BSDC1: variants seen among roughly 807,000 people sequenced by gnomAD.
The protein encoded by BSDC1 is BSD domain containing 1.
In BSDC1, 29 loss-of-function variants were observed where a neutral mutation model predicts 56.0. The ratio of observed to expected loss-of-function variants is 0.52; its 90% confidence interval spans 0.39 to 0.71. The LOEUF (loss-of-function observed/expected upper bound fraction) is 0.71. BSDC1 is among the 30% of genes least tolerant of loss of function. The pLI is 0.00. For synonymous variants in BSDC1, 210 were observed against 215.3 expected, an observed-to-expected ratio of 0.98 and a Z score of 0.21; for missense variants, 477 against 548.5, an observed-to-expected ratio of 0.87 and a Z score of 1.30.
intron 8 of BSDC1, 57 bp from the exon 9 acceptor site, chr1:32,376,798 C>T (rs1642306013): frequency 4.5e-6 from 6 of 1,327,996 alleles, no homozygotes; most frequent in Non-Finnish European, 5.8e-6. Flanking sequence ...AGCCATAAGA[C>T]AACCTTGGAG....
chr1:32,378,817 G>A lies in BSDC1; in HGVS notation c.435C>T (p.Ala145=), dbSNP rs1336269625. ...EPDGPPELFD[A]WLSQFCLEEK... is the part of the protein sequence containing the mutation. ...CCTCCAAGCAGAACTGGGAAAGCCAGGCGTCAAACAATTCCGGGGGCCCTG... is the reference window on the plus strand; with the variant it reads ...CCTCCAAGCAGAACTGGGAAAGCCAAGCGTCAAACAATTCCGGGGGCCCTG... The change falls in exon 6 of 11, where the codon GCC becomes GCT. Residue 145 remains alanine (A), a synonymous_variant. Coordinates refer to ENST00000455895, the MANE Select transcript of BSDC1 (RefSeq NM_018045.8). The surrounding 1 kb of genome is among the most constrained non-coding windows in gnomAD (Gnocchi z 5.2). 7.2e-6 allele frequency: 11 copies of A among 1,533,768 alleles called. No homozygotes were observed. Among genetic ancestry groups the A allele is most frequent in the Non-Finnish European group, 9.7e-6 (11 of 1,139,080 alleles).
In BSDC1 at chr1:32,367,850, A is replaced by G. The variant is rs897646779; in HGVS notation, c.1260+597T>C. 6 of 981,600 alleles carry G rather than the reference A, an allele frequency of 6.1e-6. No homozygotes were observed. In the Admixed American group the frequency reaches 2.6e-4, roughly 42 times the overall value. 60.8% of individuals were successfully genotyped at this position (981,600 alleles called of 1,614,324 possible). The stretch of plus-strand genomic sequence containing the variant: ...GATCACCTCATTACAGCTTATAGCC[A>G]GGTCTTATAATGATCAATTCCATGT... On this transcript the variant is annotated intron_variant, in intron 10 of 10. Coordinates refer to ENST00000455895, the MANE Select transcript of BSDC1 (RefSeq NM_018045.8).
At chr1:32,392,245 T>A (rs1642891827) in intron 2 of BSDC1, among the ~76,000 whole-genome samples, 1 of 152,034 alleles carries the variant, frequency 6.6e-6, no homozygotes, top group Non-Finnish European at 1.5e-5. Flanking sequence ...GGCAGGAGAA[T>A]CACTTGAACT....
chr1:32,377,097 C>T (rs979427334), intron 8 of BSDC1, among the ~76,000 whole-genome samples: 1 of 152,062 alleles, frequency 6.6e-6, no homozygotes, highest in African/African-American at 2.4e-5. Flanking sequence ...GATTGCGCCA[C>T]TGCACTCCAG....
In BSDC1 at chr1:32,378,287, G is replaced by A. The variant is rs760803134; in HGVS notation, c.529-4C>T. 8 of 1,614,182 alleles carry A rather than the reference G, an allele frequency of 5.0e-6. No individual in the cohort carries two copies. The highest frequency in any genetic ancestry group is 6.8e-6 in the Non-Finnish European group (8 of 1,179,994). Reference sequence around the variant, plus strand: ...AATGGGAAACAGCTGCTGGAACCTGGAGGGAGGGGAAAATGGAGGTGAGAC... The same window carrying A: ...AATGGGAAACAGCTGCTGGAACCTGAAGGGAGGGGAAAATGGAGGTGAGAC... On this transcript the variant is annotated splice_region_variant and splice_polypyrimidine_tract_variant and intron_variant, in intron 6 of 10. Transcript: ENST00000455895. This position sits in a 1 kb window ranked among gnomAD's most constrained non-coding sequence, Gnocchi z 5.2.
At chr1:32,368,027 T>C in intron 10 of BSDC1, 1 of 1,196,282 alleles carries the variant, frequency 8.4e-7, no homozygotes, top group South Asian at 2.3e-5. Context: ...CTGTTTTCTT[T>C]TTTCCTTTTT....
intron 2 of BSDC1, 111 bp downstream of exon 2, chr1:32,393,969 C>T: frequency 2.8e-6 from 3 of 1,081,516 alleles, no homozygotes; most frequent in East Asian, 2.6e-5. Context: ...CCAGGTCAGC[C>T]TCATCCTTGA....
At chr1:32,386,986 A>G (rs1642695071) in intron 2 of BSDC1, 91 bp from the exon 3 acceptor site, 3 of 977,350 alleles carry the variant, frequency 3.1e-6, no homozygotes, top group Non-Finnish European at 4.8e-6. Context: ...AGACAGACAA[A>G]TGGAAATCTC....
intron 10 of BSDC1, 197 bp downstream of exon 10, chr1:32,368,250 C>G: frequency 6.6e-7 from 1 of 1,508,958 alleles, no homozygotes; most frequent in East Asian, 2.4e-5. Flanking sequence ...TCTATCCACC[C>G]TGGAACTGAG....
chr1:32,380,475 G>A (rs971943917), intron 5 of BSDC1, among the ~76,000 whole-genome samples: 4 of 152,082 alleles, frequency 2.6e-5, no homozygotes, highest in Non-Finnish European at 4.4e-5. Context: ...GTGAAACCCT[G>A]TCTCTACTAA....
At chr1:32,386,654 G>A (rs865892038) in intron 3 of BSDC1, 125 bp downstream of exon 3, 3 of 574,838 alleles carry the variant, frequency 5.2e-6, no homozygotes, top group Non-Finnish European at 8.7e-6. Flanking sequence ...CAAAATGGGA[G>A]GAAAAGTAAT....
chr1:32,392,314 G>A (rs1403854681), intron 2 of BSDC1, among the ~76,000 whole-genome samples: 1 of 152,130 alleles, frequency 6.6e-6, no homozygotes, highest in African/African-American at 2.4e-5. Flanking sequence ...TGGTAACAGA[G>A]CCAGACTTGG....
intron 9 of BSDC1, chr1:32,369,162 C>G: frequency 1.3e-6 from 1 of 784,596 alleles, no homozygotes; most frequent in Non-Finnish European, 1.8e-6. Context: ...TGGTGGAACA[C>G]TGTAGGCTGT....
At position 32,378,862 on chromosome 1, in the gene BSDC1, G is replaced by C. The variant is rs752157606; in HGVS notation, c.413-23C>G. The C allele has an allele frequency of 1.4e-5, 20 of 1,432,106 alleles. No homozygotes were observed. The highest frequency in any genetic ancestry group is 1.3e-5 in the Non-Finnish European group (14 of 1,077,794). 88.7% of individuals were successfully genotyped at this position (1,432,106 alleles called of 1,614,324 possible). ...GCCCTGCAGAGGGACAGATGCTGAC[G>C]GTCAGTTGCCTTGGTCTGGGAAAAG... On this transcript the variant is annotated intron_variant, in intron 5 of 10. Coordinates refer to ENST00000455895, the MANE Select transcript of BSDC1 (RefSeq NM_018045.8). The surrounding 1 kb of genome is among the most constrained non-coding windows in gnomAD (Gnocchi z 5.2).
chr1:32,382,859 G>A (rs1219492479), intron 4 of BSDC1, among the ~76,000 whole-genome samples: 2 of 111,142 alleles, frequency 1.8e-5, no homozygotes, highest in South Asian at 3.0e-4. Context: ...GACAGAGTGA[G>A]ACCGTCTCAA....
rs963859893 is a variant in BSDC1, at chr1:32,376,532, G to A, written c.886C>T (p.Pro296Ser). ...TCCTTGGGTAGCACTCGTGCCTCAG[G>A]TGCAGTGGCCGGGTTGGCGATCTGT... ...VTQIANPATA[P>S]EARVLPKDLS... Residue 296 changes from proline (P) to serine (S), a missense_variant, in exon 9 of 11, where the codon CCT (proline) becomes TCT (serine). Transcript: ENST00000455895. The A allele has an allele frequency of 1.9e-6, 3 of 1,573,746 alleles. No homozygotes were observed.
At position 32,376,710 on chromosome 1, in the gene BSDC1, T is replaced by C. The variant is rs748522271; in HGVS notation, c.708A>G (p.Pro236=). The part of the protein sequence containing the change: ...EELMGISPIS[P]KEAKVPVAKI... ...TGGCCACAGGAACCTTTGCCTCTTT[T>C]GGAGATATGGGTGAAATGCCCATGA... is the stretch of plus-strand genomic sequence containing the variant. The change falls in exon 9 of 11, where the codon CCA becomes CCG. Residue 236 remains proline (P), a synonymous_variant. Coordinates refer to ENST00000455895, the MANE Select transcript of BSDC1 (RefSeq NM_018045.8). 7 of 1,420,572 alleles carry C rather than the reference T, an allele frequency of 4.9e-6. No individual in the cohort carries two copies. The Admixed American group carries it at 1.7e-4, about 34-fold the overall frequency. The allele number at this position is 1,420,572 out of a possible 1,614,324, so 88.0% of individuals were successfully genotyped here.
At chr1:32,387,022 A>T in intron 2 of BSDC1, 127 bp from the exon 3 acceptor site, 1 of 708,792 alleles carries the variant, frequency 1.4e-6, no homozygotes, top group Non-Finnish European at 2.4e-6. Context: ...TTCGGCTCAG[A>T]AACAATGCTC....
chr1:32,385,239 C>G (rs1557652765), intron 3 of BSDC1, among the ~76,000 whole-genome samples: 1 of 152,180 alleles, frequency 6.6e-6, no homozygotes, highest in Non-Finnish European at 1.5e-5. Context: ...TAGAATCTAA[C>G]TTCCATCTTA....
Sources: gnomAD v4.1 joint callset for allele counts (sites outside exome capture counted in the v4.1 genomes callset) on GRCh38, gnomAD v4.1.1 for gene constraint, Gnocchi (gnomAD v3.1) non-coding constraint, MANE v1.5 for transcripts, NCBI Gene and HGNC (gene_info 2026-07-23, HGNC 2026-07-21) for gene names.